DOCK7: variants seen among roughly 807,000 people sequenced by gnomAD.
The protein encoded by DOCK7 is dedicator of cytokinesis protein 7.
In DOCK7, 138 loss-of-function variants were observed where a neutral mutation model predicts 271.0. The observed-to-expected ratio is 0.51, with a 90% CI of 0.44 to 0.59. The LOEUF (loss-of-function observed/expected upper bound fraction) is 0.59, where lower values mean the gene tolerates loss of function less well. Ranked by LOEUF, DOCK7 falls within the 20% of genes least tolerant of loss-of-function variation. The pLI is 0.00. For missense variants in DOCK7, 2,066 were observed against 2,592.4 expected, an observed-to-expected ratio of 0.80 and a Z score of 4.41; for synonymous variants, 823 against 876.1, an observed-to-expected ratio of 0.94 and a Z score of 1.07.
chr1:62,537,263 T>C (rs901622473), intron 28 of DOCK7, among the ~76,000 whole-genome samples: 4 of 152,140 alleles, frequency 2.6e-5, no homozygotes, highest in Admixed American at 1.3e-4. Context: ...ATTAAGTCTA[T>C]GAAAGGAATA....
chr1:62,525,845 C>T (rs1644990820), intron 31 of DOCK7, among the ~76,000 whole-genome samples: 1 of 152,166 alleles, frequency 6.6e-6, no homozygotes, highest in Non-Finnish European at 1.5e-5. Flanking sequence ...AAAAGATAAT[C>T]CATAGGAAGG....
chr1:62,542,547 C>T, intron 25 of DOCK7, 61 bp downstream of exon 25: 1 of 1,479,094 alleles, frequency 6.8e-7, no homozygotes, highest in African/African-American at 1.4e-5. Context: ...AACAAATGAG[C>T]TAGCATAAAA....
intron 1 of DOCK7, among the ~76,000 whole-genome samples, chr1:62,684,315 A>G (rs974330013): frequency 1.3e-5 from 2 of 152,224 alleles, no homozygotes; most frequent in South Asian, 2.1e-4. Context: ...CTAGAAAATG[A>G]TAACAACAGT....
Position 62,654,116 on chromosome 1 carries a change from T to A in DOCK7, c.188A>T (p.Tyr63Phe), listed in dbSNP as rs562524100. 1.9e-6 allele frequency: 3 copies of A among 1,613,768 alleles called. No individual in the cohort carries two copies. In the South Asian group the frequency reaches 3.3e-5, roughly 18 times the overall value. Residue 63 changes from tyrosine to phenylalanine, a missense_variant, in exon 3 of 50, where the codon TAC (tyrosine) becomes TTC (phenylalanine). This residue lies in a region of DOCK7 where 1,414 missense variants were observed against 1,670.4 expected (regional missense o/e 0.85). Coordinates refer to ENST00000635253, the MANE Select transcript of DOCK7 (RefSeq NM_001367561.1). ...EAVDPVDLED[Y>F]LITHPLAVDS... is the part of the protein sequence containing the mutation. ...CACAGCCAAAGGATGAGTAATGAGG[T>A]AATCTTCCAAATCCACTGGATCTAC...
intron 1 of DOCK7, among the ~76,000 whole-genome samples, chr1:62,667,041 G>A (rs1659400128): frequency 6.6e-6 from 1 of 152,178 alleles, no homozygotes; most frequent in Non-Finnish European, 1.5e-5. Flanking sequence ...CACATTCCGA[G>A]AGAAAATTAT....
intron 48 of DOCK7, among the ~76,000 whole-genome samples, chr1:62,461,749 G>A (rs1645535908): frequency 6.8e-6 from 1 of 147,938 alleles, no homozygotes; most frequent in Non-Finnish European, 1.5e-5. Flanking sequence ...ATTTTTGGTA[G>A]AGCAGGAAAC....
chr1:62,619,675 T>C (rs1020298799), intron 13 of DOCK7, among the ~76,000 whole-genome samples: 2 of 152,120 alleles, frequency 1.3e-5, no homozygotes, highest in Non-Finnish European at 1.5e-5. Context: ...AGAGAAACAA[T>C]AGGTAAGTGG....
chr1:62,606,319 A>T (rs1650984288), intron 14 of DOCK7, among the ~76,000 whole-genome samples: 1 of 151,928 alleles, frequency 6.6e-6, no homozygotes, highest in Non-Finnish European at 1.5e-5. Flanking sequence ...TTTCCTTAAA[A>T]AAAAAAAAAA....
rs762042353 is a variant in DOCK7 at position 62,561,719 on chromosome 1, T to C, written c.2113-16A>G. On this transcript the variant is annotated splice_polypyrimidine_tract_variant and intron_variant, in intron 18 of 49. Coordinates refer to ENST00000635253, the MANE Select transcript of DOCK7 (RefSeq NM_001367561.1). ...GTAGAGGAACCTGTAAGATATTAAATATAATGATCACAGATGCTTAAGTAG... is the reference window on the plus strand; with the variant it reads ...GTAGAGGAACCTGTAAGATATTAAACATAATGATCACAGATGCTTAAGTAG... 8 of 1,455,186 alleles carry C rather than the reference T, an allele frequency of 5.5e-6. No individual in the cohort carries two copies. The highest frequency in any genetic ancestry group is 7.3e-6 in the Non-Finnish European group (8 of 1,096,510). The allele number at this position is 1,455,186 out of a possible 1,614,324, so 90.1% of individuals were successfully genotyped here. A position where few individuals can be genotyped will look rare whatever the true frequency, so the allele number is the denominator to read the frequency against.
At chr1:62,464,555 G>A (rs1035672697) in intron 48 of DOCK7, among the ~76,000 whole-genome samples, 1 of 151,808 alleles carries the variant, frequency 6.6e-6, no homozygotes, top group Non-Finnish European at 1.5e-5. Context: ...GGTGGTGCGT[G>A]CCTGCAATCC....
At chr1:62,460,377 T>A (rs939164445) in intron 48 of DOCK7, among the ~76,000 whole-genome samples, 1 of 152,162 alleles carries the variant, frequency 6.6e-6, no homozygotes, top group Non-Finnish European at 1.5e-5. Flanking sequence ...TACAGACTTT[T>A]TTCTTGTCAT....
chr1:62,558,199 C>G (rs1161342291), intron 20 of DOCK7, among the ~76,000 whole-genome samples: 2 of 152,064 alleles, frequency 1.3e-5, no homozygotes, highest in African/African-American at 2.4e-5. Context: ...TTCATTATGT[C>G]TGTGTACTAT....
At chr1:62,625,455 A>C in intron 11 of DOCK7, 54 bp from the exon 12 acceptor site, 1 of 1,530,884 alleles carries the variant, frequency 6.5e-7, no homozygotes, top group East Asian at 2.3e-5. Context: ...ATTTTGTTTT[A>C]AAGTAGCTTT....
rs184202745 is a variant in DOCK7, at chr1:62,549,409, G to C, written c.2766+3323C>G. 4.9e-3 allele frequency among the ~76,000 whole-genome samples: 751 copies of C among 152,284 alleles called. 3 individuals are homozygous for C. Among genetic ancestry groups the C allele is most frequent in the Admixed American group, 8.8e-3 (135 of 15,300 alleles). ...AAAAGAACTGCAGATAGCAAGTAAA[G>C]AAAATTCTTAAGGAATTCTACTATG... On this transcript the variant is annotated intron_variant, in intron 22 of 49. Transcript: ENST00000635253.
rs745914289 is a variant in DOCK7 at position 62,513,515 on chromosome 1, A to G, written c.4211T>C (p.Ile1404Thr). The change falls in exon 33 of 50, where the codon ATA (isoleucine) becomes ACA (threonine). Residue 1404 changes from isoleucine to threonine, a missense_variant. Physicochemically the swap from Ile to Thr is moderately conservative, Grantham distance 89 (BLOSUM62 -1). Transcript: ENST00000635253. ...CCGTACCATTTCTTGCCTGGCACCTATGCTCCCAAGAATAGCTTCTTCAAG... is the reference window on the plus strand; with the variant it reads ...CCGTACCATTTCTTGCCTGGCACCTGTGCTCCCAAGAATAGCTTCTTCAAG... ...AKLEEAILGSIGARQEMVRRS... is the reference protein window; with the variant it reads ...AKLEEAILGSTGARQEMVRRS... The G allele has an allele frequency of 6.8e-6, 11 of 1,613,968 alleles. No homozygotes were observed. The highest frequency in any genetic ancestry group is 5.5e-5 in the South Asian group (5 of 91,082).
At chr1:62,563,257 C>A (rs1646392162) in intron 18 of DOCK7, among the ~76,000 whole-genome samples, 1 of 152,122 alleles carries the variant, frequency 6.6e-6, no homozygotes, top group Non-Finnish European at 1.5e-5. Context: ...GACAGCAGCA[C>A]CTCCAGCCCC....
intron 7 of DOCK7, among the ~76,000 whole-genome samples, chr1:62,636,982 A>T (rs568531154): frequency 1.3e-3 from 196 of 152,298 alleles, no homozygotes; most frequent in African/African-American, 4.7e-3. Context: ...TCAGATTATA[A>T]ATAATATATT....
At chr1:62,456,274 C>G (rs1277067984) in intron 49 of DOCK7, among the ~76,000 whole-genome samples, 1 of 152,118 alleles carries the variant, frequency 6.6e-6, no homozygotes, top group Non-Finnish European at 1.5e-5. Flanking sequence ...TTTCATAAAC[C>G]AGCAAAATTA....
At chr1:62,527,630 A>G (rs1049833754) in intron 31 of DOCK7, among the ~76,000 whole-genome samples, 1 of 151,736 alleles carries the variant, frequency 6.6e-6, no homozygotes, top group Non-Finnish European at 1.5e-5. Flanking sequence ...TTGCAAGGAC[A>G]AAAAACCAAA....
Sources: gnomAD v4.1 joint callset for allele counts (sites outside exome capture counted in the v4.1 genomes callset) on GRCh38, gnomAD v4.1.1 for gene constraint, gnomAD v4.1.1 regional missense constraint, MANE v1.5 for transcripts, NCBI Gene and HGNC (gene_info 2026-07-23, HGNC 2026-07-21) for gene names.